The following CLIP4 variants were observed in gnomAD, a reference collection of about 807,000 sequenced individuals.
CLIP4 encodes the protein CAP-Gly domain containing linker protein family member 4, also known as CAP-Gly domain-containing linker protein 4.
In CLIP4, 47 loss-of-function variants were observed where a neutral mutation model predicts 73.1. That is an observed-to-expected ratio of 0.64 (90% CI 0.51 to 0.82). The LOEUF is 0.82. Among genes scored for constraint, CLIP4 ranks in the 40% least tolerant of loss-of-function variants. The probability of loss-of-function intolerance (pLI) is 0.00; values close to 1 mark genes in which losing one functional copy is unlikely to be tolerated. For missense variants in CLIP4, 874 were observed against 852.9 expected, an observed-to-expected ratio of 1.02 and a Z score of -0.31; for synonymous variants, 306 against 295.4, an observed-to-expected ratio of 1.04 and a Z score of -0.37.
intron 15 of CLIP4, among the ~76,000 whole-genome samples, chr2:29,181,131 A>G (rs575739093): frequency 1.2e-4 from 18 of 152,304 alleles, no homozygotes; most frequent in African/African-American, 7.2e-5. Flanking sequence ...TGATTAATAC[A>G]TATTTTGTAT....
intron 15 of CLIP4, among the ~76,000 whole-genome samples, chr2:29,175,923 G>A (rs1325408723): frequency 1.3e-5 from 2 of 151,826 alleles, no homozygotes; most frequent in Non-Finnish European, 2.9e-5. Context: ...CACCACACCC[G>A]GCTAATTTTT....
At chr2:29,119,594 CAGT>C (rs1285483373) in intron 1 of CLIP4, among the ~76,000 whole-genome samples, 2 of 152,090 alleles carry the variant, frequency 1.3e-5, no homozygotes, top group Non-Finnish European at 2.9e-5. Flanking sequence ...TTAAAAAAAT[CAGT>C]AGTTTCCCAG....
At chr2:29,156,301 T>C (rs1260953169) in intron 9 of CLIP4, 53 bp from the exon 10 acceptor site, 3 of 1,252,548 alleles carry the variant, frequency 2.4e-6, no homozygotes, top group Non-Finnish European at 3.3e-6. Context: ...AAAAATACAT[T>C]TTATGTTTAA....
chr2:29,141,043 T>G (rs1319593600), intron 6 of CLIP4, among the ~76,000 whole-genome samples: 1 of 151,974 alleles, frequency 6.6e-6, no homozygotes, highest in African/African-American at 2.4e-5. Context: ...TTCATTTGTT[T>G]CAAAGGATTT....
Position 29,140,887 on chromosome 2 carries a change from A to C in CLIP4, c.649-2822A>C, listed in dbSNP as rs574090198. 2.6e-5 allele frequency among the ~76,000 whole-genome samples: 4 copies of C among 152,070 alleles called. No individual in the cohort carries two copies. In the South Asian group the frequency reaches 8.3e-4, roughly 32 times the overall value. On this transcript the variant is annotated intron_variant, in intron 6 of 15. Transcript: ENST00000320081. ...GCTGCATAAATGTCTTCTTTTGAGGAGTGTCTGTTCTTATTTTTCTAGTTC... is the reference window on the plus strand; with the variant it reads ...GCTGCATAAATGTCTTCTTTTGAGGCGTGTCTGTTCTTATTTTTCTAGTTC...
intron 8 of CLIP4, among the ~76,000 whole-genome samples, chr2:29,149,130 C>T (rs533795817): frequency 2.0e-4 from 30 of 152,208 alleles, no homozygotes; most frequent in African/African-American, 6.7e-4. Context: ...TTGTAGTAAA[C>T]GGGCAGCCAT....
intron 14 of CLIP4, among the ~76,000 whole-genome samples, chr2:29,171,708 C>T (rs530073078): frequency 4.6e-5 from 7 of 152,050 alleles, no homozygotes; most frequent in African/African-American, 9.6e-5. Context: ...TTAGTAGAGA[C>T]GGGTTTTCAC....
chr2:29,181,464 G>C (rs1668639582), intron 15 of CLIP4, 108 bp from the exon 16 acceptor site: 1 of 895,414 alleles, frequency 1.1e-6, no homozygotes, highest in South Asian at 1.9e-5. Flanking sequence ...ATTCTCTTTT[G>C]GGAACTGAGT....
At position 29,145,260 on chromosome 2, in the gene CLIP4, C is replaced by T; in HGVS notation, c.914C>T (p.Thr305Ile). ...GGTACATTAAGATTTTGTGGAACAA[C>T]TGAATTTGCAAGTGGGCAGTGGGCT... ...KVGTLRFCGTTEFASGQWAGI... is the reference protein window; with the variant it reads ...KVGTLRFCGTIEFASGQWAGI... Residue 305 changes from threonine to isoleucine, a missense_variant, in exon 8 of 16, where the codon ACT (threonine) becomes ATT (isoleucine). Physicochemically the swap from Thr to Ile is moderately conservative, Grantham distance 89. Coordinates refer to ENST00000320081, the MANE Select transcript of CLIP4 (RefSeq NM_024692.6). 1 of 1,613,368 alleles carries T rather than the reference C, an allele frequency of 6.2e-7. No homozygotes were observed. Among genetic ancestry groups the T allele is most frequent in the East Asian group, 2.2e-5 (1 of 44,846 alleles).
At chr2:29,152,123 A>ATT (rs1666613423) in intron 8 of CLIP4, among the ~76,000 whole-genome samples, 1 of 152,172 alleles carries the variant, frequency 6.6e-6, no homozygotes. Context: ...TAACATTTAA[A>ATT]TTTTGTCTTT....
chr2:29,167,482 A>G lies in CLIP4; in HGVS notation c.1665A>G (p.Thr555=), dbSNP rs114860338. 3.4e-3 allele frequency: 5,480 copies of G among 1,606,714 alleles called. 27 individuals carry two copies. Among genetic ancestry groups the G allele is most frequent in the African/African-American group, 0.016 (1,190 of 74,658 alleles). Reference sequence around the variant, plus strand: ...TCCTTTGTTTTATTCATAGAGTAACAGATTCCCTGGATACCCTTTCAGAAA... The same window carrying G: ...TCCTTTGTTTTATTCATAGAGTAACGGATTCCCTGGATACCCTTTCAGAAA... ...FAPPSRVQRV[T]DSLDTLSEIS... The change falls in exon 14 of 16, where the codon ACA becomes ACG. Residue 555 remains threonine (T), a synonymous_variant. Transcript: ENST00000320081.
chr2:29,163,933 C>A lies in CLIP4; in HGVS notation c.1637C>A (p.Ala546Asp), dbSNP rs1041754938. ...TGTTCTCCAAGATATGGAATATTTGCTCCCCCATCCAGGGTGCAAAGGTGA... is the reference window on the plus strand; with the variant it reads ...TGTTCTCCAAGATATGGAATATTTGATCCCCCATCCAGGGTGCAAAGGTGA... ...FSCSPRYGIF[A>D]PPSRVQRVTD... The change falls in exon 13 of 16, where the codon GCT becomes GAT. Residue 546 changes from alanine (A) to aspartate (D), a missense_variant. Ala to Asp is a moderately radical substitution (Grantham distance 126). Coordinates refer to ENST00000320081, the MANE Select transcript of CLIP4 (RefSeq NM_024692.6). The A allele has an allele frequency of 2.5e-6, 4 of 1,613,204 alleles. No homozygotes were observed. The highest frequency in any genetic ancestry group is 3.4e-6 in the Non-Finnish European group (4 of 1,179,436).
At chr2:29,136,185 G>GTTT (rs746326403) in intron 6 of CLIP4, among the ~76,000 whole-genome samples, 4 of 146,220 alleles carry the variant, frequency 2.7e-5, no homozygotes, top group Non-Finnish European at 4.5e-5. Flanking sequence ...ATTTGTTGTT[G>GTTT]TTGTTTTTTT....
At chr2:29,104,004 G>A (rs772329014) in intron 1 of CLIP4, among the ~76,000 whole-genome samples, 1 of 151,828 alleles carries the variant, frequency 6.6e-6, no homozygotes, top group African/African-American at 2.4e-5. Context: ...ACCACACCCC[G>A]CCAGCACTGC....
Position 29,182,154 on chromosome 2 carries a change from AAAAG to A in CLIP4, c.*262_*265del, listed in dbSNP as rs1267541794. 8 of 284,802 alleles carry A rather than the reference AAAAG, an allele frequency of 2.8e-5. No homozygotes were observed. The highest frequency in any genetic ancestry group is 4.4e-5 in the African/African-American group (2 of 45,722). The allele number at this position is 284,802 out of a possible 1,614,324, so 17.6% of individuals were successfully genotyped here. ...AAGAAGATTCTGGGACTCAGGAAGA[AAAAG>A]TGCCATCAGGTGACCAGCTGTTGCA... On this transcript the variant is annotated 3_prime_UTR_variant, in exon 16 of 16. Transcript: ENST00000320081.
At chr2:29,158,654 GAGAACGAACAATAATGGAAAGTT>G (rs1209999011) in intron 11 of CLIP4, among the ~76,000 whole-genome samples, 3 of 152,196 alleles carry the variant, frequency 2.0e-5, no homozygotes, top group East Asian at 3.8e-4. Context: ...GTAGACTGCA[GAGAACGAACAATAATGGAAAGTT>G]AGGTTAAAAA....
At chr2:29,125,466 G>T (rs115435283) in intron 2 of CLIP4, among the ~76,000 whole-genome samples, 1 of 152,098 alleles carries the variant, frequency 6.6e-6, no homozygotes, top group Non-Finnish European at 1.5e-5. Context: ...ACCTCTGGCC[G>T]CCTCAAGTTC....
chr2:29,107,362 T>TG (rs1668244132), intron 1 of CLIP4, among the ~76,000 whole-genome samples: 2 of 74,988 alleles, frequency 2.7e-5, no homozygotes, highest in Non-Finnish European at 5.2e-5. Context: ...ATGATAGTTT[T>TG]TTTTTTTTTT....
intron 15 of CLIP4, among the ~76,000 whole-genome samples, chr2:29,178,562 A>G (rs1174477796): frequency 6.6e-6 from 1 of 152,184 alleles, no homozygotes; most frequent in Non-Finnish European, 1.5e-5. Flanking sequence ...TATCGTGCTC[A>G]TATTCCCATA....
Sources: allele counts gnomAD v4.1 joint callset (sites outside exome capture counted in the v4.1 genomes callset), GRCh38; gene constraint gnomAD v4.1.1; transcripts MANE v1.5; gene names NCBI Gene and HGNC (gene_info 2026-07-23, HGNC 2026-07-21).